DCAF5: variants seen among roughly 807,000 people sequenced by gnomAD.
DCAF5 encodes the protein DDB1- and CUL4-associated factor 5.
DCAF5 carries 9 observed loss-of-function variants against 80.7 expected under a neutral mutation model. The ratio of observed to expected loss-of-function variants is 0.11; its 90% CI spans 0.07 to 0.19. The LOEUF (loss-of-function observed/expected upper bound fraction) is 0.19. DCAF5 is among the 10% of genes least tolerant of loss of function. DCAF5 has a pLI of 1.00. For missense variants in DCAF5, 842 were observed against 1,205.7 expected, an observed-to-expected ratio of 0.70 and a Z score of 4.47; for synonymous variants, 433 against 461.9, an observed-to-expected ratio of 0.94 and a Z score of 0.80.
intron 8 of DCAF5, among the ~76,000 whole-genome samples, chr14:69,059,768 C>T (rs185105379): frequency 5.7e-4 from 87 of 152,278 alleles, no homozygotes; most frequent in African/African-American, 1.9e-3. Flanking sequence ...GAGCTTTTTG[C>T]TTTCCTTCTC....
Position 69,054,139 on chromosome 14 carries a change from C to T in DCAF5, c.2547G>A (p.Gln849=). 1 of 1,614,250 alleles carries T rather than the reference C, an allele frequency of 6.2e-7. No homozygotes were observed. The highest frequency in any genetic ancestry group is 8.5e-7 in the Non-Finnish European group (1 of 1,180,046). ...PRPPHPHNNG[Q]NLGELEVVAY... The stretch of plus-strand genomic sequence containing the variant: ...CCACCACCTCCAGCTCCCCCAAGTT[C>T]TGCCCGTTATTGTGAGGGTGAGGGG... The change falls in exon 9 of 9, where the codon CAG becomes CAA. Residue 849 remains glutamine, a synonymous_variant. Coordinates refer to ENST00000341516, the MANE Select transcript of DCAF5 (RefSeq NM_003861.3).
Position 69,118,050 on chromosome 14 carries a change from T to C in DCAF5, c.535+89A>G. On this transcript the variant is annotated intron_variant, in intron 4 of 8. Transcript: ENST00000341516. The surrounding 1 kb of genome is among the most constrained non-coding windows in gnomAD (Gnocchi z 4.0). ...CCTTTCCCTTGACATCACTTGCACA[T>C]AGATACTGAGGTAATAAATTGGATC... 6.5e-7 allele frequency: 1 copy of C among 1,539,014 alleles called. No homozygotes were observed. Among genetic ancestry groups the C allele is most frequent in the Non-Finnish European group, 8.9e-7 (1 of 1,122,646 alleles).
At chr14:69,097,582 A>T (rs868747221) in intron 5 of DCAF5, among the ~76,000 whole-genome samples, 153 of 125,282 alleles carry the variant, frequency 1.2e-3, no homozygotes, top group African/African-American at 2.6e-3. Flanking sequence ...TATTATTATT[A>T]TTTTTTTTTT....
intron 1 of DCAF5, among the ~76,000 whole-genome samples, chr14:69,144,640 ATACT>A (rs1196430020): frequency 1.3e-5 from 2 of 152,248 alleles, no homozygotes; most frequent in Non-Finnish European, 2.9e-5. Flanking sequence ...GTAAATAAAC[ATACT>A]TAAGTAAAAC....
At chr14:69,113,289 C>T (rs1276336645) in intron 5 of DCAF5, among the ~76,000 whole-genome samples, 3 of 152,100 alleles carry the variant, frequency 2.0e-5, no homozygotes, top group African/African-American at 7.2e-5. Context: ...CATGCCTGTG[C>T]AATTACAAGC....
intron 5 of DCAF5, among the ~76,000 whole-genome samples, chr14:69,098,772 C>A (rs1450165153): frequency 6.8e-6 from 1 of 147,362 alleles, no homozygotes; most frequent in Non-Finnish European, 1.5e-5. Context: ...GTGGCAGGCA[C>A]CTGTAGTCCC....
intron 6 of DCAF5, chr14:69,091,213 A>G: frequency 1.4e-6 from 1 of 700,714 alleles, no homozygotes; most frequent in Non-Finnish European, 2.6e-6. Flanking sequence ...AAAGCTGCTT[A>G]CCCCATTTCA....
intron 1 of DCAF5, among the ~76,000 whole-genome samples, chr14:69,142,663 CAT>C (rs1465372724): frequency 6.6e-6 from 1 of 152,142 alleles, no homozygotes. Context: ...CAAATCAGCC[CAT>C]ATTAGGTTTA....
chr14:69,097,649 C>T (rs2139990767), intron 5 of DCAF5, among the ~76,000 whole-genome samples: 1 of 145,742 alleles, frequency 6.9e-6, no homozygotes, highest in Admixed American at 7.0e-5. Flanking sequence ...TGCAGTGGTG[C>T]AATCTTGGCC....
At chr14:69,093,596 A>T (rs1213715630) in intron 5 of DCAF5, among the ~76,000 whole-genome samples, 1 of 152,196 alleles carries the variant, frequency 6.6e-6, no homozygotes, top group African/African-American at 2.4e-5. Flanking sequence ...ATGGGAAGGG[A>T]AGCCCTGAAA....
In DCAF5 at chr14:69,152,925, C is replaced by T. The variant is rs748068372; in HGVS notation, c.54G>A (p.Leu18=). The change falls in exon 1 of 9, where the codon TTG becomes TTA. Residue 18 remains leucine, a synonymous_variant. Coordinates refer to ENST00000341516, the MANE Select transcript of DCAF5 (RefSeq NM_003861.3). The surrounding 1 kb of genome is among the most constrained non-coding windows in gnomAD (Gnocchi z 4.1). ...GGTCCCCATGCAAGCCCCGCTGGGA[C>T]AAGAAGCCCACCACTGACCTCATGC... The part of the protein sequence containing the change: ...GGSMRSVVGF[L]SQRGLHGDPL... 1.9e-6 allele frequency: 3 copies of T among 1,613,666 alleles called. No homozygotes were observed. The Admixed American group carries it at 5.0e-5, about 27-fold the overall frequency.
intron 1 of DCAF5, among the ~76,000 whole-genome samples, chr14:69,144,240 A>T (rs2041463906): frequency 6.6e-6 from 1 of 152,164 alleles, no homozygotes; most frequent in South Asian, 2.1e-4. Context: ...AAGATAAAAA[A>T]AAAAAAGTTA....
chr14:69,153,081 A>G lies in DCAF5; in HGVS notation c.-103T>C. The G allele has an allele frequency of 3.2e-6, 3 of 939,106 alleles. No homozygotes were observed. Among genetic ancestry groups the G allele is most frequent in the Non-Finnish European group, 4.4e-6 (3 of 683,086 alleles). 58.2% of individuals were successfully genotyped at this position (939,106 alleles called of 1,614,324 possible). On this transcript the variant is annotated 5_prime_UTR_variant, in exon 1 of 9. Coordinates refer to ENST00000341516, the MANE Select transcript of DCAF5 (RefSeq NM_003861.3). ...GCCCTCCCCCCGCGCTGCGATCCGGATGGTTCTTTAACCAGCCATGGCAGG... is the reference window on the plus strand; with the variant it reads ...GCCCTCCCCCCGCGCTGCGATCCGGGTGGTTCTTTAACCAGCCATGGCAGG...
intron 8 of DCAF5, among the ~76,000 whole-genome samples, chr14:69,057,930 C>T (rs2038039386): frequency 6.6e-6 from 1 of 152,170 alleles, no homozygotes; most frequent in South Asian, 2.1e-4. Flanking sequence ...TGACCTCACA[C>T]TTGAAAGCCT....
Position 69,053,740 on chromosome 14 carries a change from C to A in DCAF5, c.*117G>T. 2 of 1,003,414 alleles carry A rather than the reference C, an allele frequency of 2.0e-6. No homozygotes were observed. The highest frequency in any genetic ancestry group is 2.8e-6 in the Non-Finnish European group (2 of 710,788). 62.2% of individuals were successfully genotyped at this position (1,003,414 alleles called of 1,614,324 possible). On this transcript the variant is annotated 3_prime_UTR_variant, in exon 9 of 9. Transcript: ENST00000341516. Reference sequence around the variant, plus strand: ...GGGAGCAGCATCAGACACAAAATTTCAGGCCCTGGTTTCATGTGCCTTTAA... The same window carrying A: ...GGGAGCAGCATCAGACACAAAATTTAAGGCCCTGGTTTCATGTGCCTTTAA...
chr14:69,093,426 G>T (rs2039597203), intron 5 of DCAF5, among the ~76,000 whole-genome samples: 1 of 152,138 alleles, frequency 6.6e-6, no homozygotes, highest in Non-Finnish European at 1.5e-5. Context: ...AGATTTATCT[G>T]AAACATTTTA....
At chr14:69,112,594 TACACACACACACACAC>T (rs3044674) in intron 5 of DCAF5, among the ~76,000 whole-genome samples, 18 of 145,248 alleles carry the variant, frequency 1.2e-4, no homozygotes, top group South Asian at 8.9e-4. Flanking sequence ...TATATATGTA[TACACACACACACACAC>T]ACACACACAC....
intron 5 of DCAF5, among the ~76,000 whole-genome samples, chr14:69,113,882 T>C (rs2040454061): frequency 6.6e-6 from 1 of 152,188 alleles, no homozygotes; most frequent in African/African-American, 2.4e-5. Context: ...AAAAACATCC[T>C]AGTCCCCATG....
chr14:69,118,040 C>A lies in DCAF5; in HGVS notation c.535+99G>T. ...TTTCACATTTCCTTTCCCTTGACAT[C>A]ACTTGCACATAGATACTGAGGTAAT... is the stretch of plus-strand genomic sequence containing the variant. On this transcript the variant is annotated intron_variant, in intron 4 of 8. Transcript: ENST00000341516. The surrounding 1 kb of genome is among the most constrained non-coding windows in gnomAD (Gnocchi z 4.0). The A allele has an allele frequency of 1.3e-6, 2 of 1,496,386 alleles. No homozygotes were observed. The highest frequency in any genetic ancestry group is 1.2e-5 in the South Asian group (1 of 81,248). 92.7% of individuals were successfully genotyped at this position (1,496,386 alleles called of 1,614,324 possible). A position where few individuals can be genotyped will look rare whatever the true frequency, so the allele number is the denominator to read the frequency against.
Sources: allele counts gnomAD v4.1 joint callset (sites outside exome capture counted in the v4.1 genomes callset), GRCh38; gene constraint gnomAD v4.1.1; non-coding constraint Gnocchi (gnomAD v3.1); transcripts MANE v1.5; gene names NCBI Gene and HGNC (gene_info 2026-07-23, HGNC 2026-07-21).